GALNTL6: variants seen among roughly 807,000 people sequenced by gnomAD.
GALNTL6 encodes polypeptide N-acetylgalactosaminyltransferase like 6, also known as polypeptide N-acetylgalactosaminyltransferase-like 6.
GALNTL6 carries 46 observed loss-of-function variants against 73.7 expected under a neutral mutation model. That is an observed-to-expected ratio of 0.62 (90% CI 0.49 to 0.80). GALNTL6 has a LOEUF of 0.80. Among genes scored for constraint, GALNTL6 ranks in the 30% least tolerant of loss-of-function variants. The probability of loss-of-function intolerance (pLI) is 0.00; values close to 1 mark genes in which losing one functional copy is unlikely to be tolerated. For synonymous variants in GALNTL6, 259 were observed against 263.7 expected (o/e 0.98, Z 0.17); for missense variants, 604 against 755.0 (o/e 0.80, Z 2.34).
At chr4:172,447,552 T>C (rs1036472797) in intron 5 of GALNTL6, among the ~76,000 whole-genome samples, 1 of 152,294 alleles carries the variant, frequency 6.6e-6, no homozygotes, top group Non-Finnish European at 1.5e-5. Context: ...AAGAAGCCCA[T>C]TTATTATAAC....
At chr4:172,683,682 T>C (rs1732759383) in intron 5 of GALNTL6, among the ~76,000 whole-genome samples, 2 of 152,198 alleles carry the variant, frequency 1.3e-5, no homozygotes, top group Non-Finnish European at 2.9e-5. Context: ...GGAAGAATTG[T>C]CACAGTTATA....
At chr4:172,952,904 A>T (rs1390424255) in intron 10 of GALNTL6, among the ~76,000 whole-genome samples, 1 of 152,232 alleles carries the variant, frequency 6.6e-6, no homozygotes, top group Non-Finnish European at 1.5e-5. Flanking sequence ...TATATCTGTC[A>T]TACAAGTGCG....
At chr4:172,803,562 A>G (rs887772983) in intron 5 of GALNTL6, among the ~76,000 whole-genome samples, 5 of 152,216 alleles carry the variant, frequency 3.3e-5, no homozygotes, top group African/African-American at 1.2e-4. Context: ...TTTGACAAGA[A>G]TACTTCATAG....
At chr4:172,148,585 T>C (rs1049410362) in intron 2 of GALNTL6, among the ~76,000 whole-genome samples, 48 of 152,340 alleles carry the variant, frequency 3.2e-4, no homozygotes, top group African/African-American at 1.1e-3. Context: ...GTATGTCAAC[T>C]ATTTATATGT....
chr4:172,886,306 G>A (rs1745715581), intron 8 of GALNTL6, among the ~76,000 whole-genome samples: 1 of 152,020 alleles, frequency 6.6e-6, no homozygotes, highest in East Asian at 1.9e-4. Flanking sequence ...ACTTCTTCTA[G>A]GTTTCCAATA....
chr4:172,602,619 A>T (rs1738105771), intron 5 of GALNTL6, among the ~76,000 whole-genome samples: 1 of 152,164 alleles, frequency 6.6e-6, no homozygotes, highest in South Asian at 2.1e-4. Flanking sequence ...AGAAAAAAAG[A>T]ATTCTCATAC....
chr4:172,524,999 G>A lies in GALNTL6; in HGVS notation c.553+176310G>A, dbSNP rs562987022. Among the ~76,000 whole-genome samples, 7 of 152,224 alleles carry A rather than the reference G, an allele frequency of 4.6e-5. No homozygotes were observed. In the South Asian group the frequency reaches 1.5e-3, roughly 32 times the overall value. On this transcript the variant is annotated intron_variant, in intron 5 of 12. Transcript: ENST00000506823. ...TAGGAATCAAGTGCTATATTTTTTAGTATGGATATATAATTTTTTGGAACC... is the reference window on the plus strand; with the variant it reads ...TAGGAATCAAGTGCTATATTTTTTAATATGGATATATAATTTTTTGGAACC...
At chr4:171,841,702 AATT>A (rs1253641760) in intron 2 of GALNTL6, among the ~76,000 whole-genome samples, 1 of 131,908 alleles carries the variant, frequency 7.6e-6, no homozygotes, top group Non-Finnish European at 1.7e-5. Flanking sequence ...ATGAAAAACT[AATT>A]ATTTAAATCA....
chr4:171,935,055 G>A (rs1738300292), intron 2 of GALNTL6, among the ~76,000 whole-genome samples: 2 of 152,156 alleles, frequency 1.3e-5, no homozygotes, highest in Admixed American at 6.5e-5. Flanking sequence ...ATGCATGGGA[G>A]AGAAACTGTA....
At chr4:172,009,196 A>G (rs950821945) in intron 2 of GALNTL6, among the ~76,000 whole-genome samples, 1 of 152,064 alleles carries the variant, frequency 6.6e-6, no homozygotes, top group Non-Finnish European at 1.5e-5. Context: ...TATTATGCCC[A>G]TTTTACAGAT....
chr4:172,436,407 G>T (rs1400525614), intron 5 of GALNTL6, among the ~76,000 whole-genome samples: 1 of 152,040 alleles, frequency 6.6e-6, no homozygotes, highest in Admixed American at 6.6e-5. Context: ...GCAAGGCATT[G>T]CCCATCCTTG....
chr4:171,911,100 T>C (rs1294002470), intron 2 of GALNTL6, among the ~76,000 whole-genome samples: 1 of 152,194 alleles, frequency 6.6e-6, no homozygotes, highest in Admixed American at 6.5e-5. Flanking sequence ...TCAGATAAAA[T>C]GCTGTTGGTC....
At chr4:172,609,261 T>G (rs987778006) in intron 5 of GALNTL6, among the ~76,000 whole-genome samples, 1 of 152,154 alleles carries the variant, frequency 6.6e-6, no homozygotes, top group African/African-American at 2.4e-5. Flanking sequence ...GCCCATTCAT[T>G]ATGATGTTAA....
At chr4:172,239,598 G>A (rs1336330348) in intron 3 of GALNTL6, among the ~76,000 whole-genome samples, 9 of 151,648 alleles carry the variant, frequency 5.9e-5, no homozygotes, top group African/African-American at 2.2e-4. Context: ...GTTCTGCTCC[G>A]ATTTTGGTTA....
chr4:172,120,463 C>G (rs1240447077), intron 2 of GALNTL6, among the ~76,000 whole-genome samples: 5 of 151,550 alleles, frequency 3.3e-5, no homozygotes. Context: ...CCTTTTTTTT[C>G]TCATATAACT....
At chr4:172,131,449 A>C (rs1733494195) in intron 2 of GALNTL6, among the ~76,000 whole-genome samples, 1 of 146,138 alleles carries the variant, frequency 6.8e-6, no homozygotes, top group Admixed American at 6.9e-5. Context: ...ACACGCATAT[A>C]TATTTTATAT....
At chr4:172,424,150 G>T (rs1027069108) in intron 5 of GALNTL6, among the ~76,000 whole-genome samples, 1 of 152,042 alleles carries the variant, frequency 6.6e-6, no homozygotes, top group African/African-American at 2.4e-5. Flanking sequence ...CAGCACTAAT[G>T]CTGTGCACCA....
At chr4:172,854,616 A>G (rs192709291) in intron 7 of GALNTL6, among the ~76,000 whole-genome samples, 21 of 152,246 alleles carry the variant, frequency 1.4e-4, no homozygotes, top group African/African-American at 4.8e-4. Flanking sequence ...ACTCCTTTCA[A>G]CTAGAATGTC....
chr4:172,975,467 G>A (rs1750765133), intron 10 of GALNTL6, among the ~76,000 whole-genome samples: 1 of 152,306 alleles, frequency 6.6e-6, no homozygotes, highest in Admixed American at 6.5e-5. Flanking sequence ...TGGTCCATGG[G>A]AGGCCATGGG....
Sources: allele counts gnomAD v4.1 joint callset (sites outside exome capture counted in the v4.1 genomes callset), GRCh38; gene constraint gnomAD v4.1.1; transcripts MANE v1.5; gene names NCBI Gene and HGNC (gene_info 2026-07-23, HGNC 2026-07-21).